Variants in TXLNG observed in about 807,000 individuals in gnomAD.
TXLNG encodes gamma-taxilin.
In TXLNG, 5 loss-of-function variants were observed where a neutral mutation model predicts 38.8. The ratio of observed to expected loss-of-function variants is 0.13; its 90% CI spans 0.07 to 0.27. The LOEUF (loss-of-function observed/expected upper bound fraction) is 0.27. Among genes scored for constraint, TXLNG ranks in the 10% least tolerant of loss-of-function variants. The probability of loss-of-function intolerance (pLI) is 1.00; values close to 1 mark genes in which losing one functional copy is unlikely to be tolerated. For synonymous variants in TXLNG, 182 were observed against 158.2 expected (o/e 1.15, Z -1.13); for missense variants, 393 against 398.2 (o/e 0.99, Z 0.11).
rs1929895715 is a variant in TXLNG at position 16,842,554 on chromosome X, C to T, written c.*788C>T. 8.9e-6 allele frequency: 1 copy of T among 111,825 alleles called. No homozygotes were observed. Among genetic ancestry groups the T allele is most frequent in the Admixed American group, 9.5e-5 (1 of 10,581 alleles). 9.2% of individuals were successfully genotyped at this position (111,825 alleles called of 1,213,427 possible). ...ATTTCAGTACATATTCTCCACTTCC[C>T]ATAGAAGGCCACTTATTCTTTGAAA... On this transcript the variant is annotated 3_prime_UTR_variant, in exon 10 of 10. Transcript: ENST00000380122.
intron 1 of TXLNG, among the ~76,000 whole-genome samples, chrX:16,796,702 TCTC>T (rs1017355895): frequency 9.0e-6 from 1 of 110,963 alleles, no homozygotes; most frequent in African/African-American, 3.3e-5. Flanking sequence ...TTCTCCCTGT[TCTC>T]CTCCCTGGTC....
At chrX:16,828,035 A>G in intron 3 of TXLNG, 59 bp from the exon 4 acceptor site, 1 of 1,063,066 alleles carries the variant, frequency 9.4e-7, no homozygotes, top group South Asian at 2.4e-5. Context: ...TTATAATTCT[A>G]GCCATAACTG....
intron 1 of TXLNG, among the ~76,000 whole-genome samples, chrX:16,794,281 T>C (rs1350536442): frequency 8.9e-6 from 1 of 112,140 alleles, no homozygotes; most frequent in Non-Finnish European, 1.9e-5. Flanking sequence ...ATAGTAATAG[T>C]AATAGTTTTT....
chrX:16,802,875 C>T (rs1183523267), intron 1 of TXLNG, among the ~76,000 whole-genome samples: 2 of 102,485 alleles, frequency 2.0e-5, no homozygotes, highest in African/African-American at 3.6e-5. Context: ...GGTTGGAGTG[C>T]CGTGGCGTGA....
chrX:16,841,533 G>A lies in TXLNG; in HGVS notation c.1354G>A (p.Val452Met). The change falls in exon 10 of 10, where the codon GTG (valine) becomes ATG (methionine). Residue 452 changes from valine (V) to methionine (M), a missense_variant. Transcript: ENST00000380122. ...AGAAAGGAATGAGCTCAATGAGAAG[G>A]TGGAAGTCCTGAAAGAGCAGGTATC... ...QTERNELNEK[V>M]EVLKEQVSIK... 5 of 1,212,012 alleles carry A rather than the reference G, an allele frequency of 4.1e-6. No homozygotes were observed. Among genetic ancestry groups the A allele is most frequent in the Non-Finnish European group, 4.5e-6 (4 of 895,560 alleles).
At chrX:16,841,055 C>T (rs1048056375) in intron 9 of TXLNG, among the ~76,000 whole-genome samples, 3 of 109,714 alleles carry the variant, frequency 2.7e-5, no homozygotes, top group Admixed American at 1.9e-4. Context: ...ATTAGCTGGG[C>T]GTGGTGGGGC....
At chrX:16,791,339 C>T (rs1927695996) in intron 1 of TXLNG, among the ~76,000 whole-genome samples, 1 of 101,865 alleles carries the variant, frequency 9.8e-6, no homozygotes, top group Non-Finnish European at 2.0e-5. Flanking sequence ...TGATGAACTT[C>T]CACTCTTCTG....
intron 1 of TXLNG, among the ~76,000 whole-genome samples, chrX:16,802,524 C>T (rs886932275): frequency 4.5e-5 from 5 of 110,295 alleles, no homozygotes; most frequent in African/African-American, 1.6e-4. Context: ...GTGCACCTGG[C>T]CCCTTTTATT....
chrX:16,829,531 C>T (rs775886479), intron 4 of TXLNG, 45 bp from the exon 5 acceptor site: 8 of 1,133,859 alleles, frequency 7.1e-6, no homozygotes, highest in Non-Finnish European at 5.9e-6. Flanking sequence ...TGAGCATCTT[C>T]TCTATAGGTC....
chrX:16,835,612 C>A (rs762329673), intron 7 of TXLNG, among the ~76,000 whole-genome samples: 1 of 111,983 alleles, frequency 8.9e-6, no homozygotes, highest in Non-Finnish European at 1.9e-5. Flanking sequence ...GCCCTTTTAC[C>A]AAGCCCCCAG....
chrX:16,793,564 T>C, intron 1 of TXLNG, among the ~76,000 whole-genome samples: 1 of 111,170 alleles, frequency 9.0e-6, no homozygotes, highest in South Asian at 3.8e-4. Flanking sequence ...TGCCAGTAGC[T>C]TAGAAACTCA....
In TXLNG at chrX:16,818,644, C is replaced by T. The variant is rs567353201; in HGVS notation, c.173C>T (p.Ser58Phe). ...LGVKADMLCN[S>F]QSNDILQHQG... ...GTGAAAGCAGATATGTTGTGTAACT[C>T]TCAATCAAATGATATTCTTCAACAT... The change falls in exon 2 of 10, where the codon TCT becomes TTT. Residue 58 changes from serine to phenylalanine, a missense_variant. By Grantham distance (155) the Ser-to-Phe change is radical (BLOSUM62 -2). Transcript: ENST00000380122. 8.3e-7 allele frequency: 1 copy of T among 1,210,356 alleles called. No individual in the cohort carries two copies. Among genetic ancestry groups the T allele is most frequent in the South Asian group, 1.8e-5 (1 of 56,875 alleles).
chrX:16,810,239 T>C (rs1235922034), intron 1 of TXLNG, among the ~76,000 whole-genome samples: 1 of 112,078 alleles, frequency 8.9e-6, no homozygotes, highest in Non-Finnish European at 1.9e-5. Context: ...ATTATTTATA[T>C]AAGAGATTGA....
At chrX:16,810,796 C>A (rs187358385) in intron 1 of TXLNG, among the ~76,000 whole-genome samples, 72 of 111,810 alleles carry the variant, frequency 6.4e-4, no homozygotes, top group Non-Finnish European at 1.1e-3. Flanking sequence ...TCAAACAATT[C>A]TTGTGCCTCA....
intron 1 of TXLNG, among the ~76,000 whole-genome samples, chrX:16,817,185 G>A (rs1419303985): frequency 2.7e-5 from 3 of 111,878 alleles, no homozygotes; most frequent in Non-Finnish European, 5.6e-5. Context: ...TAGAAATTTG[G>A]GTTGATTCCA....
intron 3 of TXLNG, 144 bp downstream of exon 3, chrX:16,820,399 T>C: frequency 2.1e-6 from 1 of 468,882 alleles, no homozygotes; most frequent in South Asian, 4.4e-5. Flanking sequence ...AGAATCTGTT[T>C]TGTTGGGGCT....
At position 16,843,791 on chromosome X, in the gene TXLNG, G is replaced by C. The variant is rs1929969429; in HGVS notation, c.*2025G>C. 1 of 111,770 alleles carries C rather than the reference G, an allele frequency of 8.9e-6. No individual in the cohort carries two copies. The highest frequency in any genetic ancestry group is 1.9e-5 in the Non-Finnish European group (1 of 53,187). The allele number at this position is 111,770 out of a possible 1,213,427, so 9.2% of individuals were successfully genotyped here. A position where few individuals can be genotyped will look rare whatever the true frequency, so the allele number is the denominator to read the frequency against. On this transcript the variant is annotated 3_prime_UTR_variant, in exon 10 of 10. Transcript: ENST00000380122. ...TGGCCTGCTGCTTTTGGCTTACTTT[G>C]TATTTTTAGCTAGATGCTATTATAG...
Position 16,841,570 on chromosome X carries a change from C to A in TXLNG, c.1391C>A (p.Ala464Asp), listed in dbSNP as rs766714565. The A allele has an allele frequency of 9.9e-6, 12 of 1,211,593 alleles. No homozygotes were observed. Among genetic ancestry groups the A allele is most frequent in the Non-Finnish European group, 1.2e-5 (11 of 895,516 alleles). ...AAAGAGCAGGTATCCATCAAAGCGGCCATCAAAGCGGCGAACAGGGATTTA... is the reference window on the plus strand; with the variant it reads ...AAAGAGCAGGTATCCATCAAAGCGGACATCAAAGCGGCGAACAGGGATTTA... ...VLKEQVSIKAAIKAANRDLAT... is the reference protein window; with the variant it reads ...VLKEQVSIKADIKAANRDLAT... The change falls in exon 10 of 10, where the codon GCC becomes GAC. Residue 464 changes from alanine to aspartate, a missense_variant. Coordinates refer to ENST00000380122, the MANE Select transcript of TXLNG (RefSeq NM_018360.3).
intron 3 of TXLNG, among the ~76,000 whole-genome samples, chrX:16,827,845 A>AT (rs1028336359): frequency 7.2e-5 from 8 of 111,393 alleles, no homozygotes; most frequent in Non-Finnish European, 1.1e-4. Context: ...TGTCTAAAGG[A>AT]TTTTTTTTTA....
Sources: gnomAD v4.1 joint callset for allele counts (sites outside exome capture counted in the v4.1 genomes callset) on GRCh38, gnomAD v4.1.1 for gene constraint, MANE v1.5 for transcripts, NCBI Gene and HGNC (gene_info 2026-07-23, HGNC 2026-07-21) for gene names.